The following SNTG1 variants were observed in gnomAD, a reference collection of about 807,000 sequenced individuals.
SNTG1 encodes the protein gamma-1-syntrophin.
SNTG1 carries 39 observed loss-of-function variants against 74.7 expected under a neutral mutation model. The ratio of observed to expected loss-of-function variants is 0.52; its 90% CI spans 0.40 to 0.68. The LOEUF is 0.68. Ranked by LOEUF, SNTG1 falls within the 30% of genes least tolerant of loss-of-function variation. SNTG1 has a pLI of 0.00. For missense variants in SNTG1, 685 were observed against 609.5 expected (o/e 1.12, Z -1.30); for synonymous variants, 254 against 217.1 (o/e 1.17, Z -1.49).
intron 1 of SNTG1, among the ~76,000 whole-genome samples, chr8:49,927,932 T>C (rs912979250): frequency 6.6e-6 from 1 of 151,684 alleles, no homozygotes; most frequent in African/African-American, 2.4e-5. Flanking sequence ...CTAGCCAACA[T>C]AGTAAAACCC....
At chr8:50,345,878 A>T (rs28446113) in intron 2 of SNTG1, among the ~76,000 whole-genome samples, 9,950 of 152,164 alleles carry the variant, frequency 0.065, 352 homozygotes, top group African/African-American at 0.072. Context: ...ATCTGATATC[A>T]TTTTCAATGC....
chr8:50,746,530 T>C (rs1308266295), intron 17 of SNTG1, among the ~76,000 whole-genome samples: 1 of 151,982 alleles, frequency 6.6e-6, no homozygotes, highest in African/African-American at 2.4e-5. Context: ...TACAGTCTGA[T>C]GAGGAACTGA....
At chr8:50,096,326 T>A (rs1019385624) in intron 1 of SNTG1, among the ~76,000 whole-genome samples, 3 of 152,180 alleles carry the variant, frequency 2.0e-5, no homozygotes, top group African/African-American at 7.2e-5. Context: ...CAAATTTGTT[T>A]CATTGATTTT....
chr8:50,748,329 C>A (rs1399943675), intron 17 of SNTG1, among the ~76,000 whole-genome samples: 2 of 151,808 alleles, frequency 1.3e-5, no homozygotes, highest in East Asian at 3.9e-4. Flanking sequence ...GGCATTTTAC[C>A]AGGAATTATT....
chr8:50,530,174 C>A lies in SNTG1; in HGVS notation c.467-3C>A, dbSNP rs770755625. 3.7e-6 allele frequency: 6 copies of A among 1,613,342 alleles called. No homozygotes were observed. In the Admixed American group the frequency reaches 6.7e-5, roughly 18 times the overall value. On this transcript the variant is annotated splice_polypyrimidine_tract_variant and splice_region_variant and intron_variant, in intron 9 of 18. Transcript: ENST00000642720. Reference sequence around the variant, plus strand: ...TGGAATGTTATGATTTTGTCTCCTGCAGGTGCTCCAAGTGACCAGAGCAGT... The same window carrying A: ...TGGAATGTTATGATTTTGTCTCCTGAAGGTGCTCCAAGTGACCAGAGCAGT...
At position 50,533,424 on chromosome 8, in the gene SNTG1, T is replaced by C. The variant is rs1231409457; in HGVS notation, c.549+3165T>C. Among the ~76,000 whole-genome samples, 4 of 152,352 alleles carry C rather than the reference T, an allele frequency of 2.6e-5. No homozygotes were observed. In the East Asian group the frequency reaches 5.8e-4, roughly 22 times the overall value. On this transcript the variant is annotated intron_variant, in intron 10 of 18. Coordinates refer to ENST00000642720, the MANE Select transcript of SNTG1 (RefSeq NM_018967.5). Reference sequence around the variant, plus strand: ...GAAACAAGCAAGGAGACATAATTGCTGCTTTTTCCAGTCACATTATTAATA... The same window carrying C: ...GAAACAAGCAAGGAGACATAATTGCCGCTTTTTCCAGTCACATTATTAATA...
At chr8:50,361,255 G>T (rs1009612238) in intron 2 of SNTG1, among the ~76,000 whole-genome samples, 10 of 152,128 alleles carry the variant, frequency 6.6e-5, no homozygotes, top group Non-Finnish European at 1.5e-4. Flanking sequence ...TTGTCCCACT[G>T]GAAAGTCTTC....
At chr8:50,270,457 A>G (rs917496899) in intron 2 of SNTG1, among the ~76,000 whole-genome samples, 1 of 152,326 alleles carries the variant, frequency 6.6e-6, no homozygotes, top group East Asian at 1.9e-4. Context: ...TCTTCAAAAA[A>G]GTTTATGAAT....
intron 13 of SNTG1, chr8:50,643,841 G>A (rs1037324719): frequency 6.6e-5 from 10 of 152,392 alleles, no homozygotes; most frequent in African/African-American, 2.4e-4. Flanking sequence ...AGGAGGCTGA[G>A]CCCTGGTTTC....
rs764516989 is a variant in SNTG1 at position 50,075,384 on chromosome 8, ACT to A, written c.-102-97174_-102-97173del. On this transcript the variant is annotated intron_variant, in intron 1 of 18. Coordinates refer to ENST00000642720, the MANE Select transcript of SNTG1 (RefSeq NM_018967.5). ...GAGGATTGTATATGCACCAATCAGC[ACT>A]CTGTGTCTAGCTCTGGGTTCATGTA... Among the ~76,000 whole-genome samples the A allele has an allele frequency of 3.9e-5, 6 of 152,180 alleles. No individual in the cohort carries two copies. The East Asian group carries it at 9.7e-4, about 25-fold the overall frequency.
intron 8 of SNTG1, among the ~76,000 whole-genome samples, chr8:50,468,399 C>T (rs569115820): frequency 1.1e-4 from 16 of 152,120 alleles, no homozygotes; most frequent in African/African-American, 3.6e-4. Flanking sequence ...TCATTCCCCC[C>T]CTTAGCTTTA....
intron 1 of SNTG1, among the ~76,000 whole-genome samples, chr8:50,079,569 T>G (rs755268833): frequency 6.6e-6 from 1 of 152,150 alleles, no homozygotes; most frequent in South Asian, 2.1e-4. Flanking sequence ...TTAGTTTAAT[T>G]AGATCCCATT....
intron 2 of SNTG1, among the ~76,000 whole-genome samples, chr8:50,378,569 TA>T (rs748285586): frequency 6.6e-6 from 1 of 152,072 alleles, no homozygotes; most frequent in Non-Finnish European, 1.5e-5. Flanking sequence ...GCTTTATTGA[TA>T]GATAGGACAG....
intron 13 of SNTG1, among the ~76,000 whole-genome samples, chr8:50,610,973 T>C (rs1013853775): frequency 2.0e-4 from 10 of 49,210 alleles, no homozygotes; most frequent in African/African-American, 1.7e-3. Flanking sequence ...AGATAAGAAA[T>C]AGCAAAAAAA....
chr8:50,040,694 T>C (rs1818560426), intron 1 of SNTG1, among the ~76,000 whole-genome samples: 1 of 152,316 alleles, frequency 6.6e-6, no homozygotes, highest in African/African-American at 2.4e-5. Flanking sequence ...AAAGACGTTA[T>C]GTGAACCTCA....
At chr8:50,069,415 A>T (rs1821163076) in intron 1 of SNTG1, among the ~76,000 whole-genome samples, 1 of 152,156 alleles carries the variant, frequency 6.6e-6, no homozygotes, top group Admixed American at 6.5e-5. Context: ...CAATTCAGTG[A>T]TCATAAAGTT....
At chr8:50,276,603 T>A (rs989097271) in intron 2 of SNTG1, among the ~76,000 whole-genome samples, 3 of 151,974 alleles carry the variant, frequency 2.0e-5, no homozygotes, top group African/African-American at 7.3e-5. Flanking sequence ...TAAGCCTAAA[T>A]CTATGTTGAG....
At chr8:50,209,511 CT>C (rs919211783) in intron 2 of SNTG1, among the ~76,000 whole-genome samples, 10 of 152,150 alleles carry the variant, frequency 6.6e-5, no homozygotes, top group African/African-American at 2.4e-5. Context: ...AGGTGCCCCC[CT>C]GAGATGAAGC....
At chr8:50,067,702 A>G (rs1158501397) in intron 1 of SNTG1, among the ~76,000 whole-genome samples, 4 of 152,170 alleles carry the variant, frequency 2.6e-5, no homozygotes, top group Non-Finnish European at 5.9e-5. Context: ...TTGAGGATCC[A>G]CACCCTGATT....
Sources: gnomAD v4.1 joint callset for allele counts (sites outside exome capture counted in the v4.1 genomes callset) on GRCh38, gnomAD v4.1.1 for gene constraint, MANE v1.5 for transcripts, NCBI Gene and HGNC (gene_info 2026-07-23, HGNC 2026-07-21) for gene names.